Variants in POLR1F observed in about 807,000 individuals in gnomAD.
The protein encoded by POLR1F is RNA polymerase I subunit F, also known as DNA-directed RNA polymerase I subunit RPA43.
Under a neutral mutation model 21.8 loss-of-function variants are expected in POLR1F, and 23 were observed. The observed-to-expected ratio is 1.05, with a 90% CI of 0.76 to 1.49. The LOEUF is 1.49. POLR1F is among the 40% of genes most tolerant of loss of function. The probability of loss-of-function intolerance (pLI) is 0.00; values close to 1 mark genes in which losing one functional copy is unlikely to be tolerated. For missense variants in POLR1F, 435 were observed against 412.1 expected, an observed-to-expected ratio of 1.06 and a Z score of -0.48; for synonymous variants, 162 against 152.8, an observed-to-expected ratio of 1.06 and a Z score of -0.45.
At chr7:19,702,357 G>A (rs964468789) in intron 2 of POLR1F, among the ~76,000 whole-genome samples, 6 of 152,046 alleles carry the variant, frequency 3.9e-5, no homozygotes, top group East Asian at 3.9e-4. Flanking sequence ...CCAGAACAAC[G>A]GGAAAGCTAC....
Position 19,696,400 on chromosome 7 carries a change from T to G in POLR1F, c.*1916A>C, listed in dbSNP as rs151286814. On this transcript the variant is annotated 3_prime_UTR_variant, in exon 4 of 4. Coordinates refer to ENST00000222567, the MANE Select transcript of POLR1F (RefSeq NM_001002926.2). ...AGCAAAACAAAAGTAACGTGGGAAC[T>G]TGCTTATTTGCTAAGCCACAATGTA... 6.6e-6 allele frequency: 1 copy of G among 152,102 alleles called. No homozygotes were observed. The allele number at this position is 152,102 out of a possible 1,614,324, so 9.4% of individuals were successfully genotyped here.
intron 1 of POLR1F, among the ~76,000 whole-genome samples, chr7:19,707,559 T>C (rs2128007426): frequency 6.6e-6 from 1 of 152,328 alleles, no homozygotes; most frequent in Middle Eastern, 3.4e-3. Context: ...CCAGTTCACA[T>C]CCAGTATCCG....
At position 19,704,838 on chromosome 7, in the gene POLR1F, GA is replaced by G. The variant is rs1479331950; in HGVS notation, c.336del (p.His113IlefsTer22). On this transcript the variant is annotated frameshift_variant, in exon 2 of 4. Transcript: ENST00000222567. LOFTEE classifies it high-confidence loss of function. ...ACAAAATCGGCTTCAATGTTAAGATGAATGTGTCCTTGATCATCATAAATAT... is the reference window on the plus strand; with the variant it reads ...ACAAAATCGGCTTCAATGTTAAGATGATGTGTCCTTGATCATCATAAATAT... ...LGDIYDDQGH[I>X]HLNIEADFVI... 6.2e-7 allele frequency: 1 copy of G among 1,609,812 alleles called. No homozygotes were observed. Among genetic ancestry groups the G allele is most frequent in the South Asian group, 1.1e-5 (1 of 89,656 alleles).
chr7:19,699,338 A>C (rs1783420520), intron 3 of POLR1F, among the ~76,000 whole-genome samples: 1 of 152,210 alleles, frequency 6.6e-6, no homozygotes, highest in Non-Finnish European at 1.5e-5. Context: ...AGCACTAGGC[A>C]CATGTACCTA....
chr7:19,705,958 T>C (rs1725683648), intron 1 of POLR1F, among the ~76,000 whole-genome samples: 1 of 152,196 alleles, frequency 6.6e-6, no homozygotes, highest in Non-Finnish European at 1.5e-5. Context: ...GCTGAAATCA[T>C]TCCTCTACTC....
At chr7:19,701,247 G>A (rs552744830) in intron 2 of POLR1F, among the ~76,000 whole-genome samples, 6 of 152,140 alleles carry the variant, frequency 3.9e-5, no homozygotes, top group East Asian at 1.9e-4. Context: ...AAGACATAGC[G>A]AAACCTTAAA....
At chr7:19,702,213 A>C (rs1351225246) in intron 2 of POLR1F, among the ~76,000 whole-genome samples, 1 of 152,206 alleles carries the variant, frequency 6.6e-6, no homozygotes, top group Non-Finnish European at 1.5e-5. Context: ...GTTAATGTTG[A>C]TAATAGGGGA....
chr7:19,707,383 C>G (rs904710497), intron 1 of POLR1F, among the ~76,000 whole-genome samples: 1 of 152,100 alleles, frequency 6.6e-6, no homozygotes, highest in Non-Finnish European at 1.5e-5. Context: ...ACCTTACCCC[C>G]AAAATAACAA....
At chr7:19,705,932 G>T (rs889629971) in intron 1 of POLR1F, among the ~76,000 whole-genome samples, 8 of 152,098 alleles carry the variant, frequency 5.3e-5, no homozygotes, top group Admixed American at 4.6e-4. Context: ...AAACTTCCCT[G>T]ACTCCCCCAG....
intron 2 of POLR1F, among the ~76,000 whole-genome samples, chr7:19,701,913 C>T (rs1457755106): frequency 6.6e-6 from 1 of 152,062 alleles, no homozygotes; most frequent in Admixed American, 6.6e-5. Flanking sequence ...AGTGACAAAC[C>T]TCTCTCGGTG....
chr7:19,703,227 GAAT>G (rs1783468155), intron 2 of POLR1F, among the ~76,000 whole-genome samples: 1 of 152,094 alleles, frequency 6.6e-6, no homozygotes, highest in Admixed American at 6.6e-5. Context: ...AATGTATAAT[GAAT>G]AATTCCATTA....
rs1056065556 is a variant in POLR1F, at chr7:19,697,452, T to G, written c.*864A>C. 1.3e-5 allele frequency: 2 copies of G among 152,182 alleles called. No individual in the cohort carries two copies. Among genetic ancestry groups the G allele is most frequent in the African/African-American group, 4.8e-5 (2 of 41,460 alleles). The allele number at this position is 152,182 out of a possible 1,614,324, so 9.4% of individuals were successfully genotyped here. A position where few individuals can be genotyped will look rare whatever the true frequency, so the allele number is the denominator to read the frequency against. ...CACTTTGTCAATTAGTCAAGAGACATTCCACATTTTCTCAATGAAAGCAGT... is the reference window on the plus strand; with the variant it reads ...CACTTTGTCAATTAGTCAAGAGACAGTCCACATTTTCTCAATGAAAGCAGT... On this transcript the variant is annotated 3_prime_UTR_variant, in exon 4 of 4. Coordinates refer to ENST00000222567, the MANE Select transcript of POLR1F (RefSeq NM_001002926.2).
chr7:19,704,385 G>A (rs527335227), intron 2 of POLR1F, among the ~76,000 whole-genome samples: 1 of 152,136 alleles, frequency 6.6e-6, no homozygotes, highest in South Asian at 2.1e-4. Flanking sequence ...CTCTGTCATT[G>A]ATAAATTTTC....
In POLR1F at chr7:19,708,900, C is replaced by A; in HGVS notation, c.117G>T (p.Ala39=). The A allele has an allele frequency of 6.2e-7, 1 of 1,614,118 alleles. No homozygotes were observed. The highest frequency in any genetic ancestry group is 8.5e-7 in the Non-Finnish European group (1 of 1,179,970). ...LELPTYAAAC[A]LVNSRYSCLV... ...GGCATGAGTAGCGACTGTTCACCAG[C>A]GCACAAGCAGCGGCATAAGTCGGCA... Residue 39 remains alanine (A), a synonymous_variant, in exon 1 of 4, where the codon GCG becomes GCT. Transcript: ENST00000222567.
chr7:19,700,337 A>C, intron 2 of POLR1F, 57 bp from the exon 3 acceptor site: 1 of 1,323,452 alleles, frequency 7.6e-7, no homozygotes, highest in Non-Finnish European at 1.1e-6. Flanking sequence ...CAAAGTTAAA[A>C]GGTGAACCAA....
chr7:19,706,138 G>T (rs1783521510), intron 1 of POLR1F, among the ~76,000 whole-genome samples: 1 of 152,114 alleles, frequency 6.6e-6, no homozygotes, highest in Admixed American at 6.5e-5. Context: ...ATCCCTAACA[G>T]ATGTTGTTTA....
rs1783347347 is a variant in POLR1F at position 19,695,483 on chromosome 7, T to C, written c.*2833A>G. ...TGATACCATTTGAAACTGTGCTTTT[T>C]ATTTATCAATTTAAAATTATCTGTT... On this transcript the variant is annotated 3_prime_UTR_variant, in exon 4 of 4. Transcript: ENST00000222567. 6.6e-6 allele frequency: 1 copy of C among 152,190 alleles called. No homozygotes were observed. Among genetic ancestry groups the C allele is most frequent in the East Asian group, 1.9e-4 (1 of 5,186 alleles). 9.4% of individuals were successfully genotyped at this position (152,190 alleles called of 1,614,324 possible).
chr7:19,699,949 T>C (rs1475411035), intron 3 of POLR1F, 123 bp downstream of exon 3: 14 of 740,934 alleles, frequency 1.9e-5, no homozygotes, highest in Middle Eastern at 3.9e-4. Context: ...AGCATGAATA[T>C]TCCTATAAAC....
chr7:19,702,036 GC>G (rs1412616659), intron 2 of POLR1F, among the ~76,000 whole-genome samples: 1 of 152,094 alleles, frequency 6.6e-6, no homozygotes, highest in African/African-American at 2.4e-5. Context: ...CGCAGCTAAT[GC>G]CCTCTTGTGA....
Sources: gnomAD v4.1 joint callset for allele counts (sites outside exome capture counted in the v4.1 genomes callset) on GRCh38, gnomAD v4.1.1 for gene constraint, MANE v1.5 for transcripts, NCBI Gene and HGNC (gene_info 2026-07-23, HGNC 2026-07-21) for gene names.